The following AHCTF1 variants were observed in gnomAD, a reference collection of about 807,000 sequenced individuals.
AHCTF1 encodes AT-hook containing transcription factor 1.
AHCTF1 carries 24 observed loss-of-function variants against 248.4 expected under a neutral mutation model. The ratio of observed to expected loss-of-function variants is 0.10; its 90% CI spans 0.07 to 0.14. AHCTF1 has a LOEUF of 0.14. Ranked by LOEUF, AHCTF1 falls within the 10% of genes least tolerant of loss-of-function variation. The pLI, the probability that AHCTF1 is intolerant of heterozygous loss-of-function variation, is 1.00. For missense variants in AHCTF1, 2,206 were observed against 2,636.2 expected (o/e 0.84, Z 3.57); for synonymous variants, 786 against 929.8 (o/e 0.85, Z 2.81).
chr1:246,861,337 C>G (rs757086714), intron 28 of AHCTF1, 42 bp from the exon 29 acceptor site: 3 of 1,520,334 alleles, frequency 2.0e-6, no homozygotes, highest in Non-Finnish European at 2.7e-6. Flanking sequence ...TAGTAAATAT[C>G]ACAGTTAAGT....
chr1:246,851,247 C>A lies in AHCTF1; in HGVS notation c.4759G>T (p.Val1587Leu). 1 of 1,613,930 alleles carries A rather than the reference C, an allele frequency of 6.2e-7. No homozygotes were observed. The highest frequency in any genetic ancestry group is 8.5e-7 in the Non-Finnish European group (1 of 1,179,848). Residue 1587 changes from valine to leucine, a missense_variant, in exon 33 of 36, where the codon GTG becomes TTG. Val to Leu is a conservative substitution (Grantham distance 32, BLOSUM62 1). This residue lies in a region of AHCTF1 where 955 missense variants were observed against 1,055.6 expected (regional missense o/e 0.90). Coordinates refer to ENST00000648844, the MANE Select transcript of AHCTF1 (RefSeq NM_001323342.2). ...ATCAAGGTAAAGTTGCTTTGAGCCA[C>A]AAAAAGTTCCCCATCTACTTCAGCA... is the stretch of plus-strand genomic sequence containing the variant. ...DIAEVDGELF[V>L]AQSNFTLILE...
At chr1:246,866,193 T>A (rs2103076945) in intron 26 of AHCTF1, among the ~76,000 whole-genome samples, 2 of 152,300 alleles carry the variant, frequency 1.3e-5, no homozygotes, top group South Asian at 4.1e-4. Flanking sequence ...TAACACTGGC[T>A]TTAAAAAATG....
At chr1:246,902,466 A>T in intron 8 of AHCTF1, 59 bp downstream of exon 8, 1 of 1,549,902 alleles carries the variant, frequency 6.5e-7, no homozygotes, top group Non-Finnish European at 8.7e-7. Context: ...AGAAAATAAC[A>T]CCTGTCATAA....
intron 32 of AHCTF1, 28 bp downstream of exon 32, chr1:246,853,063 A>C: frequency 6.4e-7 from 1 of 1,556,570 alleles, no homozygotes; most frequent in Non-Finnish European, 8.8e-7. Flanking sequence ...AAAGACTGAT[A>C]AAGAAGTAAA....
intron 29 of AHCTF1, among the ~76,000 whole-genome samples, chr1:246,860,697 G>A (rs1345807040): frequency 1.3e-5 from 2 of 152,034 alleles, no homozygotes; most frequent in Middle Eastern, 3.2e-3. Flanking sequence ...GTAAAGACAG[G>A]GCCTCGCTAT....
At chr1:246,860,317 C>A (rs1032245318) in intron 29 of AHCTF1, among the ~76,000 whole-genome samples, 25 of 152,144 alleles carry the variant, frequency 1.6e-4, no homozygotes, top group African/African-American at 6.0e-4. Context: ...AAAGTTATTT[C>A]TCATAGCTAC....
At position 246,851,300 on chromosome 1, in the gene AHCTF1, T is replaced by C. The variant is rs1243265761; in HGVS notation, c.4706A>G (p.Asp1569Gly). 1 of 1,614,104 alleles carries C rather than the reference T, an allele frequency of 6.2e-7. No homozygotes were observed. Among genetic ancestry groups the C allele is most frequent in the South Asian group, 1.1e-5 (1 of 91,082 alleles). Reference sequence around the variant, plus strand: ...GTCACATTCAGCAGTGTCTTTGTTATCAGCTAAGTCACAAAACTGTTGGTC... The same window carrying C: ...GTCACATTCAGCAGTGTCTTTGTTACCAGCTAAGTCACAAAACTGTTGGTC... ...TIDQQFCDLA[D>G]NKDTAECDIA... Residue 1569 changes from aspartate (D) to glycine (G), a missense_variant, in exon 33 of 36, where the codon GAT (aspartate) becomes GGT (glycine). Asp to Gly is a moderately conservative substitution (Grantham distance 94). This residue lies in a region of AHCTF1 where 955 missense variants were observed against 1,055.6 expected (regional missense o/e 0.90). Coordinates refer to ENST00000648844, the MANE Select transcript of AHCTF1 (RefSeq NM_001323342.2).
chr1:246,868,195 C>G (rs543098732), intron 24 of AHCTF1, among the ~76,000 whole-genome samples: 4 of 150,104 alleles, frequency 2.7e-5, no homozygotes, highest in Middle Eastern at 3.4e-3. Context: ...GTGGCACAAT[C>G]TTGGCTCACT....
chr1:246,859,613 G>A (rs1661375239), intron 29 of AHCTF1, among the ~76,000 whole-genome samples: 1 of 151,970 alleles, frequency 6.6e-6, no homozygotes, highest in South Asian at 2.1e-4. Context: ...TCTCTTGCCT[G>A]GGCTGGAGTT....
chr1:246,843,698 A>G (rs1558203164), intron 34 of AHCTF1, 97 bp downstream of exon 34: 1 of 973,854 alleles, frequency 1.0e-6, no homozygotes, highest in Non-Finnish European at 1.3e-6. Flanking sequence ...CAAAATTTAA[A>G]ATCATTAAAA....
chr1:246,880,513 G>A (rs866641148), intron 21 of AHCTF1, among the ~76,000 whole-genome samples: 36 of 147,314 alleles, frequency 2.4e-4, no homozygotes, highest in African/African-American at 8.9e-4. Flanking sequence ...ACAGTGAGCC[G>A]AGATCGCGCC....
In AHCTF1 at chr1:246,900,226, T is replaced by C. The variant is rs990239873; in HGVS notation, c.1271A>G (p.Asn424Ser). 16 of 1,593,612 alleles carry C rather than the reference T, an allele frequency of 1.0e-5. No individual in the cohort carries two copies. In the African/African-American group the frequency reaches 2.0e-4, roughly 20 times the overall value. Residue 424 changes from asparagine (N) to serine (S), a missense_variant, in exon 10 of 36, where the codon AAT becomes AGT. Coordinates refer to ENST00000648844, the MANE Select transcript of AHCTF1 (RefSeq NM_001323342.2). ...TGACCACAGTGCAAAATAAGAGCAATTATGTAGATATTCTCCTGACCTAAA... is the reference window on the plus strand; with the variant it reads ...TGACCACAGTGCAAAATAAGAGCAACTATGTAGATATTCTCCTGACCTAAA... ...DSLRSGEYLH[N>S]CSYFALWSLE...
chr1:246,878,633 T>TA (rs1319865753), intron 21 of AHCTF1, among the ~76,000 whole-genome samples: 1 of 152,184 alleles, frequency 6.6e-6, no homozygotes, highest in African/African-American at 2.4e-5. Context: ...ATCTGGCAGT[T>TA]AAAATTTTTG....
intron 1 of AHCTF1, chr1:246,931,349 G>T: frequency 6.5e-7 from 1 of 1,541,890 alleles, no homozygotes; most frequent in African/African-American, 1.4e-5. Flanking sequence ...CCTCCGGTCC[G>T]AGATTATGTA....
At position 246,850,840 on chromosome 1, in the gene AHCTF1, G is replaced by A. The variant is rs1660656759; in HGVS notation, c.5166C>T (p.Ser1722=). The change falls in exon 33 of 36, where the codon AGC becomes AGT. Residue 1722 remains serine (S), a synonymous_variant. Coordinates refer to ENST00000648844, the MANE Select transcript of AHCTF1 (RefSeq NM_001323342.2). ...KSAFKTAQET[S]TMTMNVSQVD... Reference sequence around the variant, plus strand: ...CCTGGCTGACATTCATAGTCATTGTGCTTGTTTCCTGAGCAGTCTTAAATG... The same window carrying A: ...CCTGGCTGACATTCATAGTCATTGTACTTGTTTCCTGAGCAGTCTTAAATG... The A allele has an allele frequency of 6.2e-7, 1 of 1,613,744 alleles. No individual in the cohort carries two copies. The highest frequency in any genetic ancestry group is 1.3e-5 in the African/African-American group (1 of 74,870).
chr1:246,925,522 A>T (rs1666865344), intron 1 of AHCTF1, among the ~76,000 whole-genome samples: 1 of 152,212 alleles, frequency 6.6e-6, no homozygotes, highest in Non-Finnish European at 1.5e-5. Flanking sequence ...TGGGAAGCTC[A>T]GGCGGAAGGA....
In AHCTF1 at chr1:246,860,974, C is replaced by T. The variant is rs1661496668; in HGVS notation, c.4057G>A (p.Glu1353Lys). 6.2e-7 allele frequency: 1 copy of T among 1,613,734 alleles called. No homozygotes were observed. Among genetic ancestry groups the T allele is most frequent in the African/African-American group, 1.3e-5 (1 of 74,902 alleles). ...TTATCTCCATCCTTTTCAGTTTGTTCAGTTACATTAGTAGTTAGTGCAGTG... is the reference window on the plus strand; with the variant it reads ...TTATCTCCATCCTTTTCAGTTTGTTTAGTTACATTAGTAGTTAGTGCAGTG... Reference protein sequence around the residue: ...SSTALTTNVTEQTEKDGDKDV... With the variant: ...SSTALTTNVTKQTEKDGDKDV... Residue 1353 changes from glutamate to lysine, a missense_variant, in exon 29 of 36, where the codon GAA becomes AAA. By Grantham distance (56) the Glu-to-Lys change is moderately conservative (BLOSUM62 1). Around this residue, in one of 6 missense-constraint regions of AHCTF1, gnomAD observed 955 missense variants for 1,055.6 expected, o/e 0.90. Coordinates refer to ENST00000648844, the MANE Select transcript of AHCTF1 (RefSeq NM_001323342.2).
At chr1:246,841,043 T>A in intron 35 of AHCTF1, 45 bp from the exon 36 acceptor site, 1 of 1,511,058 alleles carries the variant, frequency 6.6e-7, no homozygotes, top group Non-Finnish European at 8.9e-7. Context: ...CACATTATGC[T>A]ATAAAATAAA....
chr1:246,876,863 A>C, intron 23 of AHCTF1, 87 bp downstream of exon 23: 5 of 1,492,502 alleles, frequency 3.4e-6, no homozygotes, highest in Non-Finnish European at 4.5e-6. Flanking sequence ...AGTGGTTACC[A>C]AACTGTAAGC....
Sources: gnomAD v4.1 joint callset for allele counts (sites outside exome capture counted in the v4.1 genomes callset) on GRCh38, gnomAD v4.1.1 for gene constraint, gnomAD v4.1.1 regional missense constraint, MANE v1.5 for transcripts, NCBI Gene and HGNC (gene_info 2026-07-23, HGNC 2026-07-21) for gene names.